The following FBXO8 variants were observed in gnomAD, a reference collection of about 807,000 sequenced individuals.
FBXO8 encodes the protein F-box only protein 8.
Under a neutral mutation model 33.4 loss-of-function variants are expected in FBXO8, and 15 were observed. That is an observed-to-expected ratio of 0.45 (90% CI 0.30 to 0.69). The LOEUF is 0.69. Among genes scored for constraint, FBXO8 ranks in the 30% least tolerant of loss-of-function variants. The pLI is 0.08. For missense variants in FBXO8, 274 were observed against 380.3 expected, an observed-to-expected ratio of 0.72 and a Z score of 2.32; for synonymous variants, 132 against 131.5, an observed-to-expected ratio of 1.00 and a Z score of -0.02.
In FBXO8 at chr4:174,247,030, A is replaced by G. The variant is rs1175235960; in HGVS notation, c.457-5812T>C. Among the ~76,000 whole-genome samples the G allele has an allele frequency of 6.6e-6, 1 of 152,062 alleles. No individual in the cohort carries two copies. The highest frequency in any genetic ancestry group is 1.5e-5 in the Non-Finnish European group (1 of 67,984). On this transcript the variant is annotated intron_variant, in intron 3 of 5. Coordinates refer to ENST00000393674, the MANE Select transcript of FBXO8 (RefSeq NM_012180.3). The surrounding 1 kb of genome is among the most constrained non-coding windows in gnomAD (Gnocchi z 4.6). ...ATCTAGGTGAAGTTAATGTGAATTC[A>G]GCCCATCTCTTGTTAAGGTTAAGCA...
intron 3 of FBXO8, among the ~76,000 whole-genome samples, chr4:174,249,092 A>C (rs1345198991): frequency 6.6e-6 from 1 of 152,104 alleles, no homozygotes; most frequent in African/African-American, 2.4e-5. Context: ...AATAGCCTCA[A>C]ACAGAAAAAG....
intron 4 of FBXO8, among the ~76,000 whole-genome samples, chr4:174,239,836 A>T (rs72702228): frequency 0.13 from 15,789 of 124,684 alleles, 887 homozygotes; most frequent in Middle Eastern, 0.16. Flanking sequence ...CTAATTTTTT[A>T]AAAAAATCAC....
rs1054477306 is a variant in FBXO8 at position 174,254,521 on chromosome 4, G to C, written c.456+5178C>G. On this transcript the variant is annotated intron_variant, in intron 3 of 5. Coordinates refer to ENST00000393674, the MANE Select transcript of FBXO8 (RefSeq NM_012180.3). The surrounding 1 kb of genome is among the most constrained non-coding windows in gnomAD (Gnocchi z 4.2). Reference sequence around the variant, plus strand: ...GTTAGTACAGAGAATGCGATACCAAGTAAATAATGATGAATGGTCTATTAG... The same window carrying C: ...GTTAGTACAGAGAATGCGATACCAACTAAATAATGATGAATGGTCTATTAG... Among the ~76,000 whole-genome samples, 1 of 152,130 alleles carries C rather than the reference G, an allele frequency of 6.6e-6. No homozygotes were observed. The highest frequency in any genetic ancestry group is 1.5e-5 in the Non-Finnish European group (1 of 68,012).
rs1347439512 is a variant in FBXO8, at chr4:174,247,494, T to TA, written c.457-6277dup. Among the ~76,000 whole-genome samples the TA allele has an allele frequency of 1.3e-5, 2 of 152,006 alleles. No individual in the cohort carries two copies. The highest frequency in any genetic ancestry group is 2.9e-5 in the Non-Finnish European group (2 of 67,960). On this transcript the variant is annotated intron_variant, in intron 3 of 5. Transcript: ENST00000393674. The surrounding 1 kb of genome is among the most constrained non-coding windows in gnomAD (Gnocchi z 4.6). ...TTGGATACTGCATTTAATTTTCTTT[T>TA]AAAAAAACATTTTGAAGACTTTAAA...
chr4:174,252,811 T>C lies in FBXO8; in HGVS notation c.456+6888A>G, dbSNP rs1736325839. 6.6e-6 allele frequency among the ~76,000 whole-genome samples: 1 copy of C among 151,516 alleles called. No individual in the cohort carries two copies. The highest frequency in any genetic ancestry group is 1.5e-5 in the Non-Finnish European group (1 of 67,840). On this transcript the variant is annotated intron_variant, in intron 3 of 5. Coordinates refer to ENST00000393674, the MANE Select transcript of FBXO8 (RefSeq NM_012180.3). This position sits in a 1 kb window ranked among gnomAD's most constrained non-coding sequence, Gnocchi z 5.1. ...TCACTTGAGGCAAACCTGTCTCTAC[T>C]AAAAAAAATATTAGCCAGGTGTGGT...
Position 174,239,142 on chromosome 4 carries a change from C to T in FBXO8, c.624G>A (p.Gln208=). ...ATTCTCTCAGTGCATTTGGCAAGAA[C>T]TGATTTCTAAAATTATGCAATGTTA... The part of the protein sequence containing the change: ...DLVTLHNFRN[Q]FLPNALREFF... The change falls in exon 5 of 6, where the codon CAG becomes CAA. Residue 208 remains glutamine (Q), a synonymous_variant. Transcript: ENST00000393674. 1 of 1,593,728 alleles carries T rather than the reference C, an allele frequency of 6.3e-7. No homozygotes were observed. Among genetic ancestry groups the T allele is most frequent in the Non-Finnish European group, 8.6e-7 (1 of 1,168,544 alleles).
rs1455409185 is a variant in FBXO8, at chr4:174,259,028, TGTAA to T, written c.456+667_456+670del. Among the ~76,000 whole-genome samples the T allele has an allele frequency of 2.0e-5, 3 of 151,986 alleles. No homozygotes were observed. The highest frequency in any genetic ancestry group is 4.4e-5 in the Non-Finnish European group (3 of 67,916). Reference sequence around the variant, plus strand: ...TCACTTAGATTTCTAAGAATAAATCTGTAAGTATTTAAACATTTCTGAAAATCTG... The same window carrying T: ...TCACTTAGATTTCTAAGAATAAATCTGTATTTAAACATTTCTGAAAATCTG... On this transcript the variant is annotated intron_variant, in intron 3 of 5. Transcript: ENST00000393674. This position sits in a 1 kb window ranked among gnomAD's most constrained non-coding sequence, Gnocchi z 4.3.
At position 174,266,775 on chromosome 4, in the gene FBXO8, A is replaced by G. The variant is rs377223980; in HGVS notation, c.-8-3675T>C. 6.6e-4 allele frequency among the ~76,000 whole-genome samples: 101 copies of G among 152,336 alleles called. 2 individuals are homozygous for G. In the South Asian group the frequency reaches 0.019, roughly 28 times the overall value. On this transcript the variant is annotated intron_variant, in intron 1 of 5. Coordinates refer to ENST00000393674, the MANE Select transcript of FBXO8 (RefSeq NM_012180.3). ...CTTCATGTACAATGCAAAAAATAAT[A>G]ATGATAAAAATGTCTATAGCTCAAA...
At chr4:174,244,006 G>A (rs549158035) in intron 3 of FBXO8, among the ~76,000 whole-genome samples, 18 of 151,582 alleles carry the variant, frequency 1.2e-4, no homozygotes, top group South Asian at 1.0e-3. Flanking sequence ...AAGAAAGAGC[G>A]GAGGGACATA....
At chr4:174,276,581 T>C (rs1736966147) in intron 1 of FBXO8, among the ~76,000 whole-genome samples, 1 of 152,152 alleles carries the variant, frequency 6.6e-6, no homozygotes. Flanking sequence ...TTAGATTTTG[T>C]TTTGTTTTGT....
chr4:174,282,306 C>T (rs1249356685), intron 1 of FBXO8, among the ~76,000 whole-genome samples: 2 of 152,172 alleles, frequency 1.3e-5, no homozygotes, highest in African/African-American at 4.8e-5. Context: ...AGTTAATTTG[C>T]TGTAACTTAT....
Position 174,237,400 on chromosome 4 carries a change from C to A in FBXO8, c.*12G>T. On this transcript the variant is annotated 3_prime_UTR_variant, in exon 6 of 6. Coordinates refer to ENST00000393674, the MANE Select transcript of FBXO8 (RefSeq NM_012180.3). This position sits in a 1 kb window ranked among gnomAD's most constrained non-coding sequence, Gnocchi z 4.4. ...TCTGAAGTAAAAACTGAAGTCCTAG[C>A]AATTGTGCTTTTTATGCAGCCACAT... The A allele has an allele frequency of 6.2e-7, 1 of 1,606,412 alleles. No individual in the cohort carries two copies. The highest frequency in any genetic ancestry group is 8.5e-7 in the Non-Finnish European group (1 of 1,175,134).
Position 174,259,656 on chromosome 4 carries a change from T to C in FBXO8, c.456+43A>G. Reference sequence around the variant, plus strand: ...ATATTGGAAAGCTGCAGCAAGATAGTAATAAAGGTCACTGGATACAAATAT... The same window carrying C: ...ATATTGGAAAGCTGCAGCAAGATAGCAATAAAGGTCACTGGATACAAATAT... On this transcript the variant is annotated intron_variant, in intron 3 of 5. Coordinates refer to ENST00000393674, the MANE Select transcript of FBXO8 (RefSeq NM_012180.3). This position sits in a 1 kb window ranked among gnomAD's most constrained non-coding sequence, Gnocchi z 4.3. The C allele has an allele frequency of 6.3e-7, 1 of 1,592,644 alleles. No homozygotes were observed. The highest frequency in any genetic ancestry group is 2.3e-5 in the East Asian group (1 of 44,302).
rs538765380 is a variant in FBXO8, at chr4:174,254,829, A to G, written c.456+4870T>C. On this transcript the variant is annotated intron_variant, in intron 3 of 5. Transcript: ENST00000393674. The surrounding 1 kb of genome is among the most constrained non-coding windows in gnomAD (Gnocchi z 4.2). The stretch of plus-strand genomic sequence containing the variant: ...AGACTTTGATAAGAGAGAAGATTAC[A>G]TCAGATAACTGCAAGTGAACAACAG... 6.1e-4 allele frequency among the ~76,000 whole-genome samples: 93 copies of G among 152,324 alleles called. No homozygotes were observed. The highest frequency in any genetic ancestry group is 1.4e-3 in the Admixed American group (22 of 15,298).
In FBXO8 at chr4:174,278,768, TCTCA is replaced by T. The variant is rs1292739658; in HGVS notation, c.-9+4638_-9+4641del. On this transcript the variant is annotated intron_variant, in intron 1 of 5. Coordinates refer to ENST00000393674, the MANE Select transcript of FBXO8 (RefSeq NM_012180.3). This position sits in a 1 kb window ranked among gnomAD's most constrained non-coding sequence, Gnocchi z 4.1. ...TAAAAACCAAAACAAAAGTCATAATTCTCACTGAGTTGCTTTTATACAAATAAAA... is the reference window on the plus strand; with the variant it reads ...TAAAAACCAAAACAAAAGTCATAATTCTGAGTTGCTTTTATACAAATAAAA... Among the ~76,000 whole-genome samples, 1 of 152,076 alleles carries T rather than the reference TCTCA, an allele frequency of 6.6e-6. No individual in the cohort carries two copies. The highest frequency in any genetic ancestry group is 1.9e-4 in the East Asian group (1 of 5,198).
At chr4:174,264,793 C>A in intron 1 of FBXO8, among the ~76,000 whole-genome samples, 1 of 126,672 alleles carries the variant, frequency 7.9e-6, no homozygotes, top group African/African-American at 2.9e-5. Flanking sequence ...AAATAAAATT[C>A]TTAAAAAAAA....
intron 1 of FBXO8, among the ~76,000 whole-genome samples, chr4:174,266,632 G>A (rs1167037496): frequency 1.3e-5 from 2 of 152,184 alleles, no homozygotes; most frequent in African/African-American, 4.8e-5. Context: ...GCAAGTCATG[G>A]AGGGAGTATA....
rs979353831 is a variant in FBXO8 at position 174,270,945 on chromosome 4, G to C, written c.-8-7845C>G. ...GGGTATCATCTCATGACCATGATTTGCAATTTGTAAGATATCAATTGGACA... is the reference window on the plus strand; with the variant it reads ...GGGTATCATCTCATGACCATGATTTCCAATTTGTAAGATATCAATTGGACA... On this transcript the variant is annotated intron_variant, in intron 1 of 5. Transcript: ENST00000393674. This position sits in a 1 kb window ranked among gnomAD's most constrained non-coding sequence, Gnocchi z 4.6. Among the ~76,000 whole-genome samples, 4 of 152,094 alleles carry C rather than the reference G, an allele frequency of 2.6e-5. No individual in the cohort carries two copies. Among genetic ancestry groups the C allele is most frequent in the African/African-American group, 7.2e-5 (3 of 41,416 alleles).
intron 1 of FBXO8, among the ~76,000 whole-genome samples, chr4:174,279,090 T>C (rs759505636): frequency 2.6e-5 from 4 of 151,872 alleles, no homozygotes; most frequent in Non-Finnish European, 5.9e-5. Flanking sequence ...GACAACCAAA[T>C]TGGAAAGAAA....
Sources: allele counts gnomAD v4.1 joint callset (sites outside exome capture counted in the v4.1 genomes callset), GRCh38; gene constraint gnomAD v4.1.1; non-coding constraint Gnocchi (gnomAD v3.1); transcripts MANE v1.5; gene names NCBI Gene and HGNC (gene_info 2026-07-23, HGNC 2026-07-21).